The following SLC2A14 variants were observed in gnomAD, a reference collection of about 807,000 sequenced individuals.
The protein encoded by SLC2A14 is solute carrier family 2, facilitated glucose transporter member 14.
A neutral mutation model predicts 43.0 loss-of-function variants in SLC2A14; 13 were observed. That is an observed-to-expected ratio of 0.30 (90% CI 0.20 to 0.48). SLC2A14 has a LOEUF of 0.48. Among genes scored for constraint, SLC2A14 ranks in the 20% least tolerant of loss-of-function variants. The pLI is 0.99. For missense variants in SLC2A14, 428 were observed against 620.4 expected, an observed-to-expected ratio of 0.69 and a Z score of 3.29; for synonymous variants, 190 against 233.8, an observed-to-expected ratio of 0.81 and a Z score of 1.71.
intron 2 of SLC2A14, among the ~76,000 whole-genome samples, chr12:7,855,925 G>A (rs1270355251): frequency 3.9e-5 from 6 of 152,088 alleles, no homozygotes; most frequent in East Asian, 1.9e-4. Context: ...GTGAGCCACC[G>A]CGCCTGGCTT....
intron 2 of SLC2A14, among the ~76,000 whole-genome samples, chr12:7,845,980 C>A (rs1363515639): frequency 6.6e-6 from 1 of 151,704 alleles, no homozygotes; most frequent in Non-Finnish European, 1.5e-5. Context: ...GTAAACCCAG[C>A]TACCCAGGAA....
At chr12:7,889,904 C>T (rs761882955) in intron 1 of SLC2A14, among the ~76,000 whole-genome samples, 5 of 150,824 alleles carry the variant, frequency 3.3e-5, no homozygotes, top group East Asian at 3.9e-4. Context: ...CTCCCCTTTT[C>T]GGAGCATATA....
intron 1 of SLC2A14, among the ~76,000 whole-genome samples, chr12:7,882,417 G>A (rs1647326478): frequency 6.6e-6 from 1 of 152,000 alleles, no homozygotes; most frequent in African/African-American, 2.4e-5. Context: ...TAACCGCGAG[G>A]GTCCATGGCT....
chr12:7,823,675 G>A (rs1864117578), intron 7 of SLC2A14, among the ~76,000 whole-genome samples: 1 of 151,990 alleles, frequency 6.6e-6, no homozygotes, highest in South Asian at 2.1e-4. Flanking sequence ...AGCCGAGATC[G>A]CACCAGTGCA....
intron 4 of SLC2A14, among the ~76,000 whole-genome samples, chr12:7,830,589 T>C (rs917787358): frequency 2.0e-5 from 3 of 152,020 alleles, no homozygotes; most frequent in African/African-American, 7.2e-5. Flanking sequence ...TGAGCTATGA[T>C]TGGGCCACTG....
chr12:7,828,666 C>G (rs1424687052), intron 6 of SLC2A14, 38 bp downstream of exon 6: 1 of 1,608,516 alleles, frequency 6.2e-7, no homozygotes, highest in Non-Finnish European at 8.5e-7. Context: ...CAAACCACAA[C>G]CATATACTTT....
intron 1 of SLC2A14, among the ~76,000 whole-genome samples, chr12:7,870,649 C>A (rs1351197122): frequency 6.6e-6 from 1 of 152,088 alleles, no homozygotes; most frequent in Non-Finnish European, 1.5e-5. Context: ...CCTTCCCCAC[C>A]CTGCGCCTCA....
In SLC2A14 at chr12:7,838,376, G is replaced by T. The variant is rs115580444; in HGVS notation, c.19-5562C>A. On this transcript the variant is annotated intron_variant, in intron 2 of 10. Coordinates refer to ENST00000431042, the MANE Select transcript of SLC2A14 (RefSeq NM_001286234.2). ...GCTGGGATTACAGGTGTGAGCCAAC[G>T]TGCCCGGTCCACAATTTTTTTTAAA... Among the ~76,000 whole-genome samples the T allele has an allele frequency of 3.0e-3, 458 of 152,170 alleles. 3 individuals carry two copies. Among genetic ancestry groups the T allele is most frequent in the African/African-American group, 0.01 (431 of 41,520 alleles).
chr12:7,846,241 C>A (rs892880756), intron 2 of SLC2A14, among the ~76,000 whole-genome samples: 5 of 151,766 alleles, frequency 3.3e-5, no homozygotes, highest in Admixed American at 3.3e-4. Flanking sequence ...TCAAAGGAAA[C>A]GGTGGAAAAA....
At position 7,855,479 on chromosome 12, in the gene SLC2A14, A is replaced by G. The variant is rs1317932409; in HGVS notation, c.18+14384T>C. Among the ~76,000 whole-genome samples, 2 of 151,864 alleles carry G rather than the reference A, an allele frequency of 1.3e-5. 1 individual carries two copies. Among genetic ancestry groups the G allele is most frequent in the African/African-American group, 4.8e-5 (2 of 41,360 alleles). On this transcript the variant is annotated intron_variant, in intron 2 of 10. Coordinates refer to ENST00000431042, the MANE Select transcript of SLC2A14 (RefSeq NM_001286234.2). The stretch of plus-strand genomic sequence containing the variant: ...TTGATGACCACCCCCTTGCTCCCCA[A>G]ATGGCTGTATCAGCAAAGTTGGGAG...
At chr12:7,866,719 T>C (rs1565572672) in intron 2 of SLC2A14, among the ~76,000 whole-genome samples, 1 of 152,050 alleles carries the variant, frequency 6.6e-6, no homozygotes, top group African/African-American at 2.4e-5. Flanking sequence ...GTAGAAGAAA[T>C]GTTAGAAGGT....
At chr12:7,843,510 CG>C (rs763493584) in intron 2 of SLC2A14, among the ~76,000 whole-genome samples, 94 of 127,362 alleles carry the variant, frequency 7.4e-4, no homozygotes, top group Non-Finnish European at 7.0e-4. Context: ...ATGGGAAAGT[CG>C]GAGAGTGGAA....
In SLC2A14 at chr12:7,828,742, A is replaced by G; in HGVS notation, c.638T>C (p.Leu213Ser). 1 of 1,614,134 alleles carries G rather than the reference A, an allele frequency of 6.2e-7. No homozygotes were observed. The highest frequency in any genetic ancestry group is 1.1e-5 in the South Asian group (1 of 91,078). Residue 213 changes from leucine (L) to serine (S), a missense_variant, in exon 6 of 11, where the codon TTG (leucine) becomes TCG (serine). By Grantham distance (145) the Leu-to-Ser change is moderately radical. Coordinates refer to ENST00000431042, the MANE Select transcript of SLC2A14 (RefSeq NM_001286234.2). ...CTCCTCTTTTTTTCTGTTAATGAGC[A>G]AAAATCTGGGACTTTCAGGGCAACA... ...LPCCPESPRFLLINRKKEENA... is the reference protein window; with the variant it reads ...LPCCPESPRFSLINRKKEENA...
intron 2 of SLC2A14, among the ~76,000 whole-genome samples, chr12:7,866,254 G>A (rs982116591): frequency 3.3e-5 from 5 of 150,584 alleles, no homozygotes; most frequent in Non-Finnish European, 7.4e-5. Flanking sequence ...AAAAGAAAGT[G>A]AAACAGATGT....
At chr12:7,817,743 T>TAGATAGATAGATAG (rs3040822) in intron 10 of SLC2A14, 88 bp downstream of exon 10, 54,721 of 961,856 alleles carry the variant, frequency 0.057, 3,104 homozygotes, top group South Asian at 0.11. Context: ...CTCAAAAATA[T>TAGATAGATAGATAG]ATATATATAT....
At chr12:7,861,338 A>AT (rs1361903224) in intron 2 of SLC2A14, among the ~76,000 whole-genome samples, 2 of 152,030 alleles carry the variant, frequency 1.3e-5, no homozygotes, top group African/African-American at 4.8e-5. Context: ...ATCTAAGAAA[A>AT]TTTTTTTATG....
chr12:7,815,058 A>T (rs980365458), intron 10 of SLC2A14, among the ~76,000 whole-genome samples: 2 of 151,660 alleles, frequency 1.3e-5, no homozygotes, highest in African/African-American at 4.8e-5. Flanking sequence ...TTGGCCTCCC[A>T]AAGTGCTGGG....
intron 7 of SLC2A14, among the ~76,000 whole-genome samples, chr12:7,826,670 T>A (rs1019468739): frequency 1.3e-5 from 2 of 152,108 alleles, no homozygotes; most frequent in Non-Finnish European, 2.9e-5. Flanking sequence ...GATATTTGCA[T>A]GGAATACAAG....
At chr12:7,837,103 G>A (rs1286049760) in intron 2 of SLC2A14, among the ~76,000 whole-genome samples, 4 of 148,646 alleles carry the variant, frequency 2.7e-5, no homozygotes, top group African/African-American at 9.9e-5. Flanking sequence ...GGAGGCAGAG[G>A]TTACAGTGAG....
Sources: gnomAD v4.1 joint callset for allele counts (sites outside exome capture counted in the v4.1 genomes callset) on GRCh38, gnomAD v4.1.1 for gene constraint, MANE v1.5 for transcripts, NCBI Gene and HGNC (gene_info 2026-07-23, HGNC 2026-07-21) for gene names.